The following CCT6A variants were observed in gnomAD, a reference collection of about 807,000 sequenced individuals.
The protein encoded by CCT6A is chaperonin containing TCP1 subunit 6A, also known as T-complex protein 1 subunit zeta.
In CCT6A, 6 loss-of-function variants were observed where a neutral mutation model predicts 58.6. That is an observed-to-expected ratio of 0.10 (90% CI 0.06 to 0.20). CCT6A has a LOEUF of 0.20. Among genes scored for constraint, CCT6A ranks in the 10% least tolerant of loss-of-function variants. The pLI, the probability that CCT6A is intolerant of heterozygous loss-of-function variation, is 1.00. For missense variants in CCT6A, 516 were observed against 648.8 expected, an observed-to-expected ratio of 0.80 and a Z score of 2.22; for synonymous variants, 245 against 227.8, an observed-to-expected ratio of 1.08 and a Z score of -0.68.
intron 2 of CCT6A, 73 bp from the exon 3 acceptor site, chr7:56,054,296 C>T: frequency 4.6e-6 from 6 of 1,316,388 alleles, no homozygotes; most frequent in South Asian, 4.2e-5. Flanking sequence ...AGAGGCCCTT[C>T]CTGCATTTTG....
intron 2 of CCT6A, among the ~76,000 whole-genome samples, chr7:56,052,808 TA>T (rs11300300): frequency 4.6e-4 from 11 of 23,810 alleles, no homozygotes; most frequent in African/African-American, 1.1e-3. Context: ...TTTTTTTTTT[TA>T]ATTAGACGAA....
intron 2 of CCT6A, 82 bp from the exon 3 acceptor site, chr7:56,054,283 CAAAG>C: frequency 2.6e-6 from 3 of 1,173,640 alleles, no homozygotes; most frequent in Non-Finnish European, 3.7e-6. Flanking sequence ...AGATAGCACT[CAAAG>C]AGGCCCTTCC....
chr7:56,061,700 C>G (rs780291343), intron 11 of CCT6A, 47 bp from the exon 12 acceptor site: 9 of 242,330 alleles, frequency 3.7e-5, no homozygotes, highest in Non-Finnish European at 6.0e-5. Flanking sequence ...TTTTTACTAT[C>G]AGTTATTAGT....
Position 56,052,280 on chromosome 7 carries a change from C to G in CCT6A, c.138-142C>G, listed in dbSNP as rs575637361. The G allele has an allele frequency of 2.3e-4, 176 of 756,928 alleles. 1 individual carries two copies. The highest frequency in any genetic ancestry group is 1.6e-3 in the Admixed American group (69 of 43,788). 46.9% of individuals were successfully genotyped at this position (756,928 alleles called of 1,614,324 possible). The stretch of plus-strand genomic sequence containing the variant: ...AATCTCTGCGGGGACGGGGTGGGCA[C>G]TACACCTGTCCTCCATCCTGCTGGA... On this transcript the variant is annotated intron_variant, in intron 1 of 13. Coordinates refer to ENST00000275603, the MANE Select transcript of CCT6A (RefSeq NM_001762.4).
intron 10 of CCT6A, 133 bp from the exon 11 acceptor site, chr7:56,060,674 A>G (rs1336434195): frequency 8.4e-7 from 1 of 1,196,450 alleles, no homozygotes; most frequent in Non-Finnish European, 1.2e-6. Flanking sequence ...CCATTCTCCT[A>G]TTTGGTATGT....
rs1794544345 is a variant in CCT6A at position 56,063,826 on chromosome 7, C to G, written c.*741C>G. On this transcript the variant is annotated 3_prime_UTR_variant, in exon 14 of 14. Coordinates refer to ENST00000275603, the MANE Select transcript of CCT6A (RefSeq NM_001762.4). Reference sequence around the variant, plus strand: ...AAAATATTCATCGCAAAGTCTCTAGCGTCATATTTTTCTCACCCAAATTAC... The same window carrying G: ...AAAATATTCATCGCAAAGTCTCTAGGGTCATATTTTTCTCACCCAAATTAC... The G allele has an allele frequency of 5.9e-6, 1 of 169,180 alleles. No homozygotes were observed. The highest frequency in any genetic ancestry group is 2.4e-5 in the African/African-American group (1 of 41,782). 10.5% of individuals were successfully genotyped at this position (169,180 alleles called of 1,614,324 possible). A position where few individuals can be genotyped will look rare whatever the true frequency, so the allele number is the denominator to read the frequency against.
chr7:56,058,558 C>T (rs759166019), intron 7 of CCT6A, 37 bp downstream of exon 7: 24 of 1,566,104 alleles, frequency 1.5e-5, no homozygotes, highest in East Asian at 4.5e-5. Flanking sequence ...CTAAATAGTA[C>T]GTATCATCCT....
chr7:56,063,231 T>C lies in CCT6A; in HGVS notation c.*146T>C, dbSNP rs1309740796. 3 of 648,326 alleles carry C rather than the reference T, an allele frequency of 4.6e-6. No homozygotes were observed. The highest frequency in any genetic ancestry group is 8.2e-6 in the Non-Finnish European group (3 of 365,164). The allele number at this position is 648,326 out of a possible 1,614,324, so 40.2% of individuals were successfully genotyped here. A position where few individuals can be genotyped will look rare whatever the true frequency, so the allele number is the denominator to read the frequency against. ...GAGAGAACACTGGCATCTGTTGAAA[T>C]TTGGAAGTTCTGAAATTATAGTATT... On this transcript the variant is annotated 3_prime_UTR_variant, in exon 14 of 14. Coordinates refer to ENST00000275603, the MANE Select transcript of CCT6A (RefSeq NM_001762.4).
At chr7:56,052,117 G>T in intron 1 of CCT6A, 132 bp downstream of exon 1, 1 of 769,076 alleles carries the variant, frequency 1.3e-6, no homozygotes, top group Non-Finnish European at 1.8e-6. Flanking sequence ...CTCCGGGGTC[G>T]GTCCTGTGTC....
In CCT6A at chr7:56,051,992, C is replaced by T. The variant is rs368306614; in HGVS notation, c.137+7C>T. 637 of 1,437,024 alleles carry T rather than the reference C, an allele frequency of 4.4e-4. No homozygotes were observed. The highest frequency in any genetic ancestry group is 4.6e-4 in the Non-Finnish European group (505 of 1,086,456). The allele number at this position is 1,437,024 out of a possible 1,614,324, so 89.0% of individuals were successfully genotyped here. A position where few individuals can be genotyped will look rare whatever the true frequency, so the allele number is the denominator to read the frequency against. On this transcript the variant is annotated splice_region_variant and intron_variant, in intron 1 of 13. Transcript: ENST00000275603. ...CCAAGGGCACCATGAAGATGTAAGGCGGGGCTGAACCGGAGGGCCGGGCGG... is the reference window on the plus strand; with the variant it reads ...CCAAGGGCACCATGAAGATGTAAGGTGGGGCTGAACCGGAGGGCCGGGCGG...
At chr7:56,060,997 G>C (rs1368782553) in intron 11 of CCT6A, 57 bp downstream of exon 11, 1 of 1,518,244 alleles carries the variant, frequency 6.6e-7, no homozygotes, top group African/African-American at 1.4e-5. Flanking sequence ...AAACCTTTCT[G>C]ATAATGTAGG....
At position 56,058,176 on chromosome 7, in the gene CCT6A, T is replaced by C. The variant is rs1265021025; in HGVS notation, c.725+73T>C. On this transcript the variant is annotated intron_variant, in intron 6 of 13. Transcript: ENST00000275603. The stretch of plus-strand genomic sequence containing the variant: ...AGGCGAGTTACTTTTTTGTGAAACT[T>C]TGTTTCCCACTGTAAGGACAATAAT... 2.6e-5 allele frequency: 27 copies of C among 1,024,728 alleles called. No homozygotes were observed. The East Asian group carries it at 6.2e-4, about 23-fold the overall frequency. 63.5% of individuals were successfully genotyped at this position (1,024,728 alleles called of 1,614,324 possible).
chr7:56,062,803 T>G lies in CCT6A; in HGVS notation c.1523+48T>G, dbSNP rs749624250. On this transcript the variant is annotated intron_variant, in intron 13 of 13. Transcript: ENST00000275603. ...TAAACTGTTAGAGAATCATACTTTTTTCATTTGGTGTTCTCTGTTTAGTTG... is the reference window on the plus strand; with the variant it reads ...TAAACTGTTAGAGAATCATACTTTTGTCATTTGGTGTTCTCTGTTTAGTTG... The G allele has an allele frequency of 2.2e-5, 33 of 1,496,218 alleles. 1 individual carries two copies. The South Asian group carries it at 3.8e-4, about 17-fold the overall frequency. The allele number at this position is 1,496,218 out of a possible 1,614,324, so 92.7% of individuals were successfully genotyped here.
chr7:56,062,618 A>C (rs1252355639), intron 12 of CCT6A, 65 bp from the exon 13 acceptor site: 11 of 1,320,184 alleles, frequency 8.3e-6, no homozygotes, highest in South Asian at 1.2e-5. Flanking sequence ...GTGATAAGCA[A>C]AGCTGCACAC....
At position 56,055,817 on chromosome 7, in the gene CCT6A, T is replaced by A; in HGVS notation, c.510+20T>A. 5 of 1,576,644 alleles carry A rather than the reference T, an allele frequency of 3.2e-6. No homozygotes were observed. The highest frequency in any genetic ancestry group is 4.4e-6 in the Non-Finnish European group (5 of 1,147,594). On this transcript the variant is annotated intron_variant, in intron 4 of 13. Transcript: ENST00000275603. ...ACAGAGGTATGTATTAAATTTTGTC[T>A]ATGTCTGGTATAGTATACCTATATA...
rs1254617679 is a variant in CCT6A, at chr7:56,063,192, C to T, written c.*107C>T. The T allele has an allele frequency of 1.2e-6, 1 of 814,578 alleles. No homozygotes were observed. 50.5% of individuals were successfully genotyped at this position (814,578 alleles called of 1,614,324 possible). On this transcript the variant is annotated 3_prime_UTR_variant, in exon 14 of 14. Coordinates refer to ENST00000275603, the MANE Select transcript of CCT6A (RefSeq NM_001762.4). ...TCAAATAATTTTGAAAGAAATTTTC[C>T]CATATGAAAAAAGGAGAGAACACTG...
At chr7:56,058,318 C>G (rs1291471337) in intron 6 of CCT6A, 44 bp from the exon 7 acceptor site, 4 of 1,432,956 alleles carry the variant, frequency 2.8e-6, no homozygotes, top group Non-Finnish European at 3.8e-6. Flanking sequence ...AAGCTGCTTT[C>G]TTAATGTTTC....
rs117595809 is a variant in CCT6A at position 56,062,488 on chromosome 7, T to C, written c.1451-195T>C. On this transcript the variant is annotated intron_variant, in intron 12 of 13. Coordinates refer to ENST00000275603, the MANE Select transcript of CCT6A (RefSeq NM_001762.4). ...AGAAGAGAGGGGTGTTCAGGACTTC[T>C]AAGTATAAGTCAGACATTCATCAAA... The C allele has an allele frequency of 3.3e-3, 2,053 of 620,160 alleles. 6 individuals are homozygous for C. Among genetic ancestry groups the C allele is most frequent in the Non-Finnish European group, 5.0e-3 (1,744 of 348,648 alleles). 38.4% of individuals were successfully genotyped at this position (620,160 alleles called of 1,614,324 possible).
rs560984863 is a variant in CCT6A, at chr7:56,051,845, A to G, written c.-4A>G. On this transcript the variant is annotated 5_prime_UTR_variant, in exon 1 of 14. Transcript: ENST00000275603. ...TCGTTTCCTTTTCCTCCGCTGGAGC[A>G]GCTATGGCGGCGGTGAAGACCCTGA... The G allele has an allele frequency of 5.4e-5, 84 of 1,558,000 alleles. 1 individual carries two copies. In the East Asian group the frequency reaches 9.2e-4, roughly 17 times the overall value.
Sources: gnomAD v4.1 joint callset for allele counts (sites outside exome capture counted in the v4.1 genomes callset) on GRCh38, gnomAD v4.1.1 for gene constraint, MANE v1.5 for transcripts, NCBI Gene and HGNC (gene_info 2026-07-23, HGNC 2026-07-21) for gene names.